The following CCDC51 variants were observed in gnomAD, a reference collection of about 807,000 sequenced individuals.
CCDC51 encodes coiled-coil domain containing 51.
CCDC51 carries 25 observed loss-of-function variants against 24.8 expected under a neutral mutation model. That is an observed-to-expected ratio of 1.01 (90% CI 0.73 to 1.41). The LOEUF is 1.41. Among genes scored for constraint, CCDC51 ranks in the 40% most tolerant of loss-of-function variants. The pLI, the probability that CCDC51 is intolerant of heterozygous loss-of-function variation, is 0.00. For missense variants in CCDC51, 466 were observed against 519.1 expected, an observed-to-expected ratio of 0.90 and a Z score of 0.99; for synonymous variants, 190 against 204.3, an observed-to-expected ratio of 0.93 and a Z score of 0.60.
rs914722139 is a variant in CCDC51 at position 48,435,894 on chromosome 3, A to G, written c.-8-758T>C. Among the ~76,000 whole-genome samples the G allele has an allele frequency of 6.6e-6, 1 of 152,168 alleles. No individual in the cohort carries two copies. Among genetic ancestry groups the G allele is most frequent in the African/African-American group, 2.4e-5 (1 of 41,432 alleles). ...CTCAGTCTCACACTTCACGACTTCC[A>G]TAAGCTTTCTCTTTCCTCTCCAACC... is the stretch of plus-strand genomic sequence containing the variant. On this transcript the variant is annotated intron_variant, in intron 1 of 3. Transcript: ENST00000395694. This position sits in a 1 kb window ranked among gnomAD's most constrained non-coding sequence, Gnocchi z 4.2.
At chr3:48,440,414 A>C (rs2039528976), upstream of CCDC51, 5 of 1,612,450 alleles carry the variant, frequency 3.1e-6, no homozygotes, top group East Asian at 2.2e-5. Flanking sequence ...TGGCAAGAAG[A>C]AGCCACTGAA....
rs2039244232 is a variant in CCDC51 at position 48,433,223 on chromosome 3, A to G, written c.478-57T>C. The G allele has an allele frequency of 3.9e-6, 6 of 1,537,538 alleles. No individual in the cohort carries two copies. Among genetic ancestry groups the G allele is most frequent in the Admixed American group, 3.5e-5 (2 of 57,730 alleles). The stretch of plus-strand genomic sequence containing the variant: ...ATGGGCACAAGGTGGCCCTGCAGCT[A>G]TAGCCACCAGCAGATGGCTCACTAC... On this transcript the variant is annotated intron_variant, in intron 3 of 3. Coordinates refer to ENST00000395694, the MANE Select transcript of CCDC51 (RefSeq NM_001256964.2). The surrounding 1 kb of genome is among the most constrained non-coding windows in gnomAD (Gnocchi z 4.4).
Position 48,435,121 on chromosome 3 carries a change from C to A in CCDC51, c.8G>T (p.Gly3Val). 3 of 1,577,140 alleles carry A rather than the reference C, an allele frequency of 1.9e-6. No individual in the cohort carries two copies. The highest frequency in any genetic ancestry group is 2.6e-6 in the Non-Finnish European group (3 of 1,161,870). Residue 3 changes from glycine to valine, a missense_variant, in exon 2 of 4, where the codon GGG (glycine) becomes GTG (valine). Coordinates refer to ENST00000395694, the MANE Select transcript of CCDC51 (RefSeq NM_001256964.2). The surrounding 1 kb of genome is among the most constrained non-coding windows in gnomAD (Gnocchi z 4.2). ...CTGCATGGCAAACCCAGGGCTGCGC[C>A]CCATCATCCTGAGATCTGTGAGGGG... is the stretch of plus-strand genomic sequence containing the variant. MM[G>V]RSPGFAMQHI...
upstream of CCDC51, chr3:48,445,247 A>G (rs1370852243): frequency 6.6e-6 from 1 of 152,200 alleles, no homozygotes. Context: ...TTATGTTAAT[A>G]ATGCTCAGCT....
At position 48,439,993 on chromosome 3, in the gene CCDC51, G is replaced by C. The variant is rs1207042557; in HGVS notation, c.-14C>G. Reference sequence around the variant, plus strand: ...GCACATGCCCTGCTGTCTACCTGCAGTGCTCTTCCCGCGCACGGCCACAGG... The same window carrying C: ...GCACATGCCCTGCTGTCTACCTGCACTGCTCTTCCCGCGCACGGCCACAGG... On this transcript the variant is annotated 5_prime_UTR_variant, in exon 1 of 4. Coordinates refer to ENST00000395694, the MANE Select transcript of CCDC51 (RefSeq NM_001256964.2). The C allele has an allele frequency of 4.1e-6, 2 of 492,678 alleles. No homozygotes were observed. The highest frequency in any genetic ancestry group is 3.9e-5 in the African/African-American group (2 of 51,246). The allele number at this position is 492,678 out of a possible 1,614,324, so 30.5% of individuals were successfully genotyped here. A position where few individuals can be genotyped will look rare whatever the true frequency, so the allele number is the denominator to read the frequency against.
chr3:48,444,202 G>A (rs2039627725), upstream of CCDC51: 1 of 229,020 alleles, frequency 4.4e-6, no homozygotes, highest in Non-Finnish European at 8.4e-6. Flanking sequence ...CAACTCATTT[G>A]AAAGGATGGC....
chr3:48,443,794 C>T (rs1337554464), upstream of CCDC51: 7 of 1,468,768 alleles, frequency 4.8e-6, no homozygotes, highest in Non-Finnish European at 6.4e-6. Context: ...GCCCGTGGGG[C>T]TTCTACCGTA....
chr3:48,442,472 T>TA (rs1196803950), upstream of CCDC51, among the ~76,000 whole-genome samples: 7 of 149,150 alleles, frequency 4.7e-5, 1 homozygote, highest in South Asian at 1.1e-3. Flanking sequence ...TTTTTTTTTT[T>TA]AAATAGTCTC....
At chr3:48,443,927 G>C (rs746756668), upstream of CCDC51, 4 of 1,422,332 alleles carry the variant, frequency 2.8e-6, no homozygotes, top group East Asian at 1.0e-4. Flanking sequence ...TATTTCATCT[G>C]TATTTAAACC....
At chr3:48,443,679 TTTTACC>T (rs1202001567), upstream of CCDC51, among the ~76,000 whole-genome samples, 10 of 152,136 alleles carry the variant, frequency 6.6e-5, no homozygotes, top group African/African-American at 2.4e-4. Context: ...CTCATCCTCA[TTTTACC>T]TTTACCTAGA....
At position 48,434,996 on chromosome 3, in the gene CCDC51, C is replaced by T. The variant is rs199770348; in HGVS notation, c.133G>A (p.Gly45Arg). The T allele has an allele frequency of 1.2e-4, 187 of 1,614,114 alleles. No individual in the cohort carries two copies. Among genetic ancestry groups the T allele is most frequent in the East Asian group, 1.8e-4 (8 of 44,902 alleles). Residue 45 changes from glycine to arginine, a missense_variant, in exon 2 of 4, where the codon GGA (glycine) becomes AGA (arginine). Coordinates refer to ENST00000395694, the MANE Select transcript of CCDC51 (RefSeq NM_001256964.2). ...GCCACCTCCTCAGGTCTTTTCTCTC[C>T]GGGCTGGCTTGGGCCTGGGCTGCAG... ...TLCSPGPSQP[G>R]EKRPEEVALG... is the part of the protein sequence containing the mutation.
At chr3:48,442,452 CTTTTT>C (rs904695197), upstream of CCDC51, among the ~76,000 whole-genome samples, 2 of 130,744 alleles carry the variant, frequency 1.5e-5, no homozygotes, top group African/African-American at 5.7e-5. Flanking sequence ...TAACCCTACA[CTTTTT>C]TTTTTTTTTT....
Position 48,437,447 on chromosome 3 carries a change from A to G in CCDC51, c.-8-2311T>C, listed in dbSNP as rs531970300. On this transcript the variant is annotated intron_variant, in intron 1 of 3. Coordinates refer to ENST00000395694, the MANE Select transcript of CCDC51 (RefSeq NM_001256964.2). This position sits in a 1 kb window ranked among gnomAD's most constrained non-coding sequence, Gnocchi z 4.2. Reference sequence around the variant, plus strand: ...ATGTTTCACAGGCCCCCCAACCAGCAAGGAGAAGAATGTTCCTGGCAAAGA... The same window carrying G: ...ATGTTTCACAGGCCCCCCAACCAGCGAGGAGAAGAATGTTCCTGGCAAAGA... Among the ~76,000 whole-genome samples the G allele has an allele frequency of 2.0e-5, 3 of 152,170 alleles. No homozygotes were observed. Among genetic ancestry groups the G allele is most frequent in the East Asian group, 3.9e-4 (2 of 5,160 alleles).
chr3:48,439,437 G>C (rs553133276), intron 1 of CCDC51, among the ~76,000 whole-genome samples: 1 of 152,218 alleles, frequency 6.6e-6, no homozygotes, highest in Non-Finnish European at 1.5e-5. Flanking sequence ...TTCGAGACCA[G>C]CCTGGCCAAC....
the CCDC51 span, chr3:48,446,625 C>A: frequency 4.4e-6 from 2 of 449,960 alleles, no homozygotes; most frequent in Non-Finnish European, 3.6e-6. Context: ...GAATCCCGCC[C>A]GTGGACCTCT....
chr3:48,442,783 G>A (rs1193665230), upstream of CCDC51, among the ~76,000 whole-genome samples: 3 of 152,126 alleles, frequency 2.0e-5, no homozygotes, highest in East Asian at 1.9e-4. Flanking sequence ...CGCCTACTGC[G>A]TTCCACATAT....
intron 1 of CCDC51, among the ~76,000 whole-genome samples, chr3:48,439,763 C>A (rs934116554): frequency 2.2e-4 from 33 of 152,160 alleles, no homozygotes; most frequent in African/African-American, 7.7e-4. Flanking sequence ...ATTTTTTTGA[C>A]CATTTTCATA....
At chr3:48,436,266 C>T (rs1397757125) in intron 1 of CCDC51, among the ~76,000 whole-genome samples, 1 of 152,172 alleles carries the variant, frequency 6.6e-6, no homozygotes, top group Non-Finnish European at 1.5e-5. Flanking sequence ...GAAGGAGCTC[C>T]AGATACAGAA....
chr3:48,446,135 A>G, the CCDC51 span: 20 of 147,018 alleles, frequency 1.4e-4, no homozygotes, highest in African/African-American at 3.7e-4. Context: ...AGAGCTTAGG[A>G]AAAAAAAACA....
Sources: gnomAD v4.1 joint callset for allele counts (sites outside exome capture counted in the v4.1 genomes callset) on GRCh38, gnomAD v4.1.1 for gene constraint, Gnocchi (gnomAD v3.1) non-coding constraint, MANE v1.5 for transcripts, NCBI Gene and HGNC (gene_info 2026-07-23, HGNC 2026-07-21) for gene names.